Variants in PSD3 observed in about 807,000 individuals in gnomAD.
PSD3 encodes the protein PH and SEC7 domain-containing protein 3.
Under a neutral mutation model 105.5 loss-of-function variants are expected in PSD3, and 49 were observed. That is an observed-to-expected ratio of 0.46 (90% CI 0.37 to 0.59). The LOEUF is 0.59. PSD3 is among the 20% of genes least tolerant of loss of function. The probability of loss-of-function intolerance (pLI) is 0.00; values close to 1 mark genes in which losing one functional copy is unlikely to be tolerated. For missense variants in PSD3, 1,561 were observed against 1,263.8 expected, an observed-to-expected ratio of 1.24 and a Z score of -3.57; for synonymous variants, 557 against 457.8, an observed-to-expected ratio of 1.22 and a Z score of -2.77.
chr8:18,751,106 G>A (rs569994505), intron 9 of PSD3, among the ~76,000 whole-genome samples: 2 of 152,086 alleles, frequency 1.3e-5, no homozygotes, highest in African/African-American at 2.4e-5. Flanking sequence ...GGTGCTCTTC[G>A]GGGAGGCTCC....
chr8:18,777,768 CTA>C (rs1398433039), intron 8 of PSD3, among the ~76,000 whole-genome samples: 1 of 152,148 alleles, frequency 6.6e-6, no homozygotes, highest in African/African-American at 2.4e-5. Context: ...TTCCTTCTAA[CTA>C]TATGTTTCCA....
upstream of PSD3, among the ~76,000 whole-genome samples, chr8:19,018,159 T>C (rs570135953): frequency 1.3e-5 from 2 of 152,336 alleles, no homozygotes; most frequent in South Asian, 4.1e-4. Flanking sequence ...TAGCCCAGTC[T>C]TTTCTCTAGC....
intron 4 of PSD3, among the ~76,000 whole-genome samples, chr8:18,832,563 T>C (rs1813763992): frequency 6.6e-6 from 1 of 152,198 alleles, no homozygotes; most frequent in Non-Finnish European, 1.5e-5. Flanking sequence ...CCCTTTTAAC[T>C]GTTAACTTAG....
chr8:18,681,267 G>A (rs1007158681), intron 9 of PSD3, among the ~76,000 whole-genome samples: 2 of 151,954 alleles, frequency 1.3e-5, no homozygotes, highest in African/African-American at 4.8e-5. Flanking sequence ...CCTGCATTTT[G>A]GATGAAAGAG....
rs927854849 is a variant in PSD3 at position 18,804,696 on chromosome 8, G to A, written c.1829+8C>T. ...GAATTCAGACTCCAGCAATGGGTCA[G>A]AACGTACTTCTTGCCAAGGTGTTTT... On this transcript the variant is annotated splice_region_variant and intron_variant, in intron 5 of 15. Transcript: ENST00000327040. The A allele has an allele frequency of 6.2e-7, 1 of 1,613,756 alleles. No individual in the cohort carries two copies. The highest frequency in any genetic ancestry group is 8.5e-7 in the Non-Finnish European group (1 of 1,179,816).
intron 1 of PSD3, among the ~76,000 whole-genome samples, chr8:19,073,110 T>A (rs1336644780): frequency 6.7e-6 from 1 of 149,650 alleles, no homozygotes; most frequent in African/African-American, 2.4e-5. Context: ...ACTTATTTTG[T>A]TCTTTTTCTT....
At chr8:18,717,448 G>A (rs1802672492) in intron 9 of PSD3, among the ~76,000 whole-genome samples, 1 of 151,902 alleles carries the variant, frequency 6.6e-6, no homozygotes, top group South Asian at 2.1e-4. Flanking sequence ...TATAAATGTG[G>A]TCTGAATGTT....
In PSD3 at chr8:18,910,985, G is replaced by A. The variant is rs142347754; in HGVS notation, c.130+25049C>T. Among the ~76,000 whole-genome samples, 101 of 151,952 alleles carry A rather than the reference G, an allele frequency of 6.6e-4. 2 individuals carry two copies. In the East Asian group the frequency reaches 0.018, roughly 28 times the overall value. On this transcript the variant is annotated intron_variant, in intron 2 of 15. Coordinates refer to ENST00000327040, the MANE Select transcript of PSD3 (RefSeq NM_015310.4). ...TAGCCAGGCATGGTGGTGTACTCCT[G>A]TAGTCCCAGCTACTCAGGAGGCTGG...
intron 1 of PSD3, among the ~76,000 whole-genome samples, chr8:19,079,600 G>A (rs562392628): frequency 6.6e-6 from 1 of 152,146 alleles, no homozygotes; most frequent in Non-Finnish European, 1.5e-5. Context: ...ACTGCTTCCT[G>A]GGGGTTAAGT....
At chr8:18,746,948 A>G (rs764474544) in intron 9 of PSD3, among the ~76,000 whole-genome samples, 1 of 152,222 alleles carries the variant, frequency 6.6e-6, no homozygotes, top group Non-Finnish European at 1.5e-5. Flanking sequence ...TTAGGCATGG[A>G]TATTTTCTCA....
At position 18,928,210 on chromosome 8, in the gene PSD3, C is replaced by G. The variant is rs188813463; in HGVS notation, c.130+7824G>C. ...ATGGAATCATGCGGGCAGTTTCCCC[C>G]ATACTGTTCTCATGATAGCAAATAA... On this transcript the variant is annotated intron_variant, in intron 2 of 15. Coordinates refer to ENST00000327040, the MANE Select transcript of PSD3 (RefSeq NM_015310.4). Among the ~76,000 whole-genome samples, 15 of 152,278 alleles carry G rather than the reference C, an allele frequency of 9.9e-5. 1 individual carries two copies. The East Asian group carries it at 2.5e-3, about 25-fold the overall frequency.
chr8:18,681,512 C>T (rs1286430616), intron 9 of PSD3, among the ~76,000 whole-genome samples: 2 of 142,622 alleles, frequency 1.4e-5, no homozygotes, highest in Non-Finnish European at 3.1e-5. Flanking sequence ...CTAAAAAATA[C>T]TACTAGATAC....
chr8:19,009,140 G>C (rs1826838092), intron 1 of PSD3, among the ~76,000 whole-genome samples: 3 of 152,172 alleles, frequency 2.0e-5, no homozygotes, highest in Admixed American at 1.3e-4. Flanking sequence ...AGACACCCCA[G>C]GGGTTTTGTT....
At chr8:18,584,511 T>TA (rs370868520) in intron 12 of PSD3, among the ~76,000 whole-genome samples, 1 of 152,196 alleles carries the variant, frequency 6.6e-6, no homozygotes, top group Non-Finnish European at 1.5e-5. Context: ...CTTTTCAATT[T>TA]AAAAAATGGG....
chr8:18,602,921 C>T (rs1804540133), intron 11 of PSD3, among the ~76,000 whole-genome samples: 1 of 152,086 alleles, frequency 6.6e-6, no homozygotes, highest in Non-Finnish European at 1.5e-5. Flanking sequence ...TTTCACAGCA[C>T]GTGTGTTTTA....
intron 1 of PSD3, among the ~76,000 whole-genome samples, chr8:19,046,330 TCGA>T (rs1400217792): frequency 5.3e-5 from 8 of 152,300 alleles, no homozygotes; most frequent in Middle Eastern, 3.4e-3. Context: ...CAGGATAGTC[TCGA>T]ACTCCTGACC....
chr8:18,652,472 T>G (rs1275633286), intron 10 of PSD3, among the ~76,000 whole-genome samples: 1 of 149,620 alleles, frequency 6.7e-6, no homozygotes, highest in African/African-American at 2.5e-5. Flanking sequence ...GTACATACAC[T>G]TTTATCAAGG....
chr8:18,770,702 G>T (rs1419170941), intron 8 of PSD3, among the ~76,000 whole-genome samples: 1 of 152,250 alleles, frequency 6.6e-6, no homozygotes, highest in Non-Finnish European at 1.5e-5. Flanking sequence ...CCCAGAGGAA[G>T]TGTTTGGGTG....
chr8:18,988,470 G>A (rs1825621907), intron 1 of PSD3, among the ~76,000 whole-genome samples: 1 of 152,154 alleles, frequency 6.6e-6, no homozygotes, highest in Non-Finnish European at 1.5e-5. Flanking sequence ...AATCAGGGAA[G>A]GCGGCATTTC....
Sources: allele counts gnomAD v4.1 joint callset (sites outside exome capture counted in the v4.1 genomes callset), GRCh38; gene constraint gnomAD v4.1.1; transcripts MANE v1.5; gene names NCBI Gene and HGNC (gene_info 2026-07-23, HGNC 2026-07-21).